ABLIM1: variants seen among roughly 807,000 people sequenced by gnomAD.
The protein encoded by ABLIM1 is actin binding LIM protein 1, also known as actin-binding LIM protein 1.
In ABLIM1, 40 loss-of-function variants were observed where a neutral mutation model predicts 107.0. That is an observed-to-expected ratio of 0.37 (90% CI 0.29 to 0.49). The LOEUF (loss-of-function observed/expected upper bound fraction) is 0.49. Among genes scored for constraint, ABLIM1 ranks in the 20% least tolerant of loss-of-function variants. The pLI, the probability that ABLIM1 is intolerant of heterozygous loss-of-function variation, is 0.97. For synonymous variants in ABLIM1, 357 were observed against 357.3 expected, an observed-to-expected ratio of 1.00 and a Z score of 0.01; for missense variants, 857 against 1,008.5, an observed-to-expected ratio of 0.85 and a Z score of 2.04.
intron 4 of ABLIM1, among the ~76,000 whole-genome samples, chr10:114,566,740 G>A (rs750870715): frequency 1.1e-4 from 17 of 152,070 alleles, no homozygotes; most frequent in Non-Finnish European, 1.3e-4. Context: ...AGTTGTTTGC[G>A]TCTATGAATA....
At chr10:114,536,310 T>C (rs1309327385) in intron 6 of ABLIM1, among the ~76,000 whole-genome samples, 2 of 131,590 alleles carry the variant, frequency 1.5e-5, no homozygotes, top group Non-Finnish European at 3.1e-5. Flanking sequence ...TGCAATGGCA[T>C]GATCTCAGCT....
In ABLIM1 at chr10:114,447,997, A is replaced by C; in HGVS notation, c.1618T>G (p.Ser540Ala). ...GAAAACTTGATGATATCTTCTGAGG[A>C]CTTGCTCTGGGCTGCCAAGGCAGCT... ...QHAALAAQSKSSEDIIKFSKF... is the reference protein window; with the variant it reads ...QHAALAAQSKASEDIIKFSKF... Residue 540 changes from serine to alanine, a missense_variant, in exon 15 of 23, where the codon TCC becomes GCC. By Grantham distance (99) the Ser-to-Ala change is moderately conservative (BLOSUM62 1). Around this residue, in one of 5 missense-constraint regions of ABLIM1, gnomAD observed 103 missense variants for 101.0 expected, o/e 1.02. Coordinates refer to ENST00000533213, the MANE Select transcript of ABLIM1 (RefSeq NM_002313.7). 2.5e-6 allele frequency: 4 copies of C among 1,614,072 alleles called. No individual in the cohort carries two copies. Among genetic ancestry groups the C allele is most frequent in the Non-Finnish European group, 3.4e-6 (4 of 1,179,992 alleles).
At chr10:114,675,629 A>G (rs1430236111) in intron 1 of ABLIM1, among the ~76,000 whole-genome samples, 2 of 152,224 alleles carry the variant, frequency 1.3e-5, no homozygotes, top group African/African-American at 2.4e-5. Context: ...CTTTGCGTGT[A>G]TTTACATATA....
At position 114,601,965 on chromosome 10, in the gene ABLIM1, A is replaced by T. The variant is rs1315742924; in HGVS notation, c.245-4T>A. 1 of 1,613,728 alleles carries T rather than the reference A, an allele frequency of 6.2e-7. No homozygotes were observed. Among genetic ancestry groups the T allele is most frequent in the Non-Finnish European group, 8.5e-7 (1 of 1,179,644 alleles). ...TGAGGGTCCTGAGGGTGGGCCACTG[A>T]AAGAAAATCAACAAAAGATCCAGGT... On this transcript the variant is annotated splice_polypyrimidine_tract_variant and splice_region_variant and intron_variant, in intron 1 of 22. Transcript: ENST00000533213.
At chr10:114,487,822 G>A (rs1280711887) in intron 8 of ABLIM1, 136 bp downstream of exon 8, 7 of 1,053,194 alleles carry the variant, frequency 6.6e-6, no homozygotes, top group Non-Finnish European at 1.0e-5. Context: ...TAGCCAAATG[G>A]CCTTTGAACT....
intron 6 of ABLIM1, among the ~76,000 whole-genome samples, chr10:114,536,078 A>G (rs1487251862): frequency 2.6e-5 from 4 of 151,886 alleles, no homozygotes; most frequent in Non-Finnish European, 5.9e-5. Context: ...CATACCCATT[A>G]GCAGTCATTC....
At chr10:114,645,524 TA>T (rs1370639531) in intron 1 of ABLIM1, among the ~76,000 whole-genome samples, 7 of 152,030 alleles carry the variant, frequency 4.6e-5, no homozygotes, top group African/African-American at 1.2e-4. Flanking sequence ...ATTTTTATGC[TA>T]AAAAAAATTT....
At chr10:114,623,594 C>G (rs563866886) in intron 1 of ABLIM1, among the ~76,000 whole-genome samples, 1 of 152,328 alleles carries the variant, frequency 6.6e-6, no homozygotes, top group East Asian at 1.9e-4. Context: ...GACAGATTAC[C>G]TGCACAGTGT....
At chr10:114,672,544 C>T (rs561216552) in intron 1 of ABLIM1, among the ~76,000 whole-genome samples, 1 of 152,246 alleles carries the variant, frequency 6.6e-6, no homozygotes, top group Non-Finnish European at 1.5e-5. Context: ...TTCAGAAAAA[C>T]ATAATGTAAC....
upstream of ABLIM1, among the ~76,000 whole-genome samples, chr10:114,768,286 T>A (rs1591971056): frequency 1.4e-5 from 2 of 146,246 alleles, no homozygotes; most frequent in Non-Finnish European, 1.5e-5. Flanking sequence ...GCGGCAGCGC[T>A]GACACCCGCG....
At chr10:114,498,728 C>G (rs940237851) in intron 6 of ABLIM1, among the ~76,000 whole-genome samples, 2 of 152,138 alleles carry the variant, frequency 1.3e-5, no homozygotes, top group African/African-American at 2.4e-5. Context: ...GATCAAGAAC[C>G]TTAAAATTCA....
At chr10:114,459,246 A>G (rs2063396896) in intron 12 of ABLIM1, among the ~76,000 whole-genome samples, 1 of 152,122 alleles carries the variant, frequency 6.6e-6, no homozygotes. Flanking sequence ...CATTAAAAAC[A>G]AAACAAAACA....
At chr10:114,567,954 G>A (rs1165367799) in intron 4 of ABLIM1, among the ~76,000 whole-genome samples, 3 of 152,118 alleles carry the variant, frequency 2.0e-5, no homozygotes, top group East Asian at 1.9e-4. Context: ...ACTTTGGGAG[G>A]CCGAGGCGGG....
chr10:114,668,693 A>G (rs1002553572), intron 1 of ABLIM1, among the ~76,000 whole-genome samples: 4 of 152,308 alleles, frequency 2.6e-5, no homozygotes, highest in African/African-American at 7.2e-5. Context: ...AAGATTAGAG[A>G]CTGCAAAAAA....
chr10:114,743,639 G>T (rs1475668137), intron 1 of ABLIM1, among the ~76,000 whole-genome samples: 1 of 152,052 alleles, frequency 6.6e-6, no homozygotes, highest in Non-Finnish European at 1.5e-5. Flanking sequence ...AAACTTTTCT[G>T]GGGAAGTTAC....
intron 2 of ABLIM1, among the ~76,000 whole-genome samples, chr10:114,584,720 T>A (rs2073996578): frequency 6.6e-6 from 1 of 152,210 alleles, no homozygotes; most frequent in Admixed American, 6.5e-5. Flanking sequence ...AAATCAATTA[T>A]CATTTCTGGG....
At chr10:114,762,867 G>A (rs748096859) in intron 1 of ABLIM1, among the ~76,000 whole-genome samples, 5 of 152,164 alleles carry the variant, frequency 3.3e-5, no homozygotes, top group Non-Finnish European at 7.3e-5. Context: ...TCCAATAACT[G>A]TGTAATAGTC....
chr10:114,784,191 C>T, the ABLIM1 span, among the ~76,000 whole-genome samples: 1 of 151,322 alleles, frequency 6.6e-6, no homozygotes, highest in Non-Finnish European at 1.5e-5. Context: ...ACTAAAAATA[C>T]AAAAATTAGC....
At chr10:114,487,767 A>G (rs940172121) in intron 8 of ABLIM1, among the ~76,000 whole-genome samples, 191 bp downstream of exon 8, 2 of 152,216 alleles carry the variant, frequency 1.3e-5, no homozygotes, top group Admixed American at 6.5e-5. Flanking sequence ...AAGCATTTGG[A>G]ATAAAAACCA....
Sources: gnomAD v4.1 joint callset for allele counts (sites outside exome capture counted in the v4.1 genomes callset) on GRCh38, gnomAD v4.1.1 for gene constraint, gnomAD v4.1.1 regional missense constraint, MANE v1.5 for transcripts, NCBI Gene and HGNC (gene_info 2026-07-23, HGNC 2026-07-21) for gene names.